BRCC3: variants seen among roughly 807,000 people sequenced by gnomAD.
BRCC3 encodes the protein BRCA1/BRCA2-containing complex subunit 3.
Under a neutral mutation model 28.0 loss-of-function variants are expected in BRCC3, and 15 were observed. The observed-to-expected ratio is 0.54, with a 90% CI of 0.36 to 0.82. The LOEUF (loss-of-function observed/expected upper bound fraction) is 0.82. Ranked by LOEUF, BRCC3 falls within the 40% of genes least tolerant of loss-of-function variation. The pLI is 0.01. For synonymous variants in BRCC3, 66 were observed against 80.3 expected (o/e 0.82, Z 0.95); for missense variants, 109 against 225.9 (o/e 0.48, Z 3.32).
chrX:155,086,015 C>T (rs2074124000), intron 5 of BRCC3, among the ~76,000 whole-genome samples: 1 of 111,503 alleles, frequency 9.0e-6, no homozygotes, highest in African/African-American at 3.3e-5. Flanking sequence ...TGGTAGCGGC[C>T]AGCCTGGGTC....
chrX:155,077,785 T>C (rs1557293795), intron 4 of BRCC3, among the ~76,000 whole-genome samples: 1 of 112,178 alleles, frequency 8.9e-6, no homozygotes, highest in Non-Finnish European at 1.9e-5. Flanking sequence ...TGTTTCAGTA[T>C]GATTCCGAGT....
intron 5 of BRCC3, among the ~76,000 whole-genome samples, chrX:155,081,949 GA>G (rs1557294233): frequency 1.8e-5 from 2 of 111,578 alleles, no homozygotes; most frequent in Non-Finnish European, 3.8e-5. Context: ...TGATAAAGAA[GA>G]AATGAGATGT....
chrX:155,087,458 AAG>A (rs1478822605), intron 5 of BRCC3, among the ~76,000 whole-genome samples: 1 of 111,888 alleles, frequency 8.9e-6, no homozygotes, highest in East Asian at 2.8e-4. Context: ...GCATTGTTTT[AAG>A]ACAACCAAGT....
rs907722804 is a variant in BRCC3 at position 155,122,838 on chromosome X, G to A, written c.*1634G>A. ...CAGATTAATGGTTGCCAGGGATAGG[G>A]ACTGGAGGGGGTGTGGGGTATGTAT... On this transcript the variant is annotated 3_prime_UTR_variant, in exon 11 of 11. Coordinates refer to ENST00000330045, the MANE Select transcript of BRCC3 (RefSeq NM_001018055.3). 8.9e-6 allele frequency: 1 copy of A among 111,807 alleles called. No individual in the cohort carries two copies. Among genetic ancestry groups the A allele is most frequent in the African/African-American group, 3.3e-5 (1 of 30,720 alleles). The allele number at this position is 111,807 out of a possible 1,213,427, so 9.2% of individuals were successfully genotyped here.
intron 3 of BRCC3, among the ~76,000 whole-genome samples, chrX:155,075,450 G>T (rs1194664024): frequency 9.0e-6 from 1 of 111,268 alleles, no homozygotes; most frequent in Non-Finnish European, 1.9e-5. Context: ...AATCCCACTT[G>T]CCTGCTAAAA....
At chrX:155,079,007 G>A (rs782312778) in intron 5 of BRCC3, 69 of 194,864 alleles carry the variant, frequency 3.5e-4, no homozygotes, top group Admixed American at 1.2e-3. Flanking sequence ...GGTAAAATTT[G>A]CAAAATTGAT....
intron 3 of BRCC3, among the ~76,000 whole-genome samples, chrX:155,075,757 T>G (rs2074035293): frequency 8.9e-6 from 1 of 112,354 alleles, no homozygotes; most frequent in Non-Finnish European, 1.9e-5. Context: ...CTGAAATAAT[T>G]TTTTTTCCTT....
chrX:155,108,021 A>AT (rs1343767555), intron 7 of BRCC3, among the ~76,000 whole-genome samples: 1 of 111,833 alleles, frequency 8.9e-6, no homozygotes, highest in African/African-American at 3.2e-5. Flanking sequence ...AGCTCCATGA[A>AT]TTTTTACAAG....
intron 7 of BRCC3, among the ~76,000 whole-genome samples, chrX:155,107,490 C>T (rs1414167377): frequency 9.1e-6 from 1 of 110,152 alleles, no homozygotes; most frequent in Non-Finnish European, 1.9e-5. Flanking sequence ...CATGTTCTCT[C>T]TCTGTCATAT....
intron 7 of BRCC3, among the ~76,000 whole-genome samples, chrX:155,103,264 G>T (rs782425164): frequency 8.9e-6 from 1 of 112,146 alleles, no homozygotes; most frequent in Non-Finnish European, 1.9e-5. Flanking sequence ...TAACCATATG[G>T]TTAGTCATTT....
intron 7 of BRCC3, among the ~76,000 whole-genome samples, chrX:155,098,407 A>G (rs2074224720): frequency 8.9e-6 from 1 of 112,500 alleles, no homozygotes; most frequent in African/African-American, 3.2e-5. Flanking sequence ...CTAGTATGTT[A>G]ATTTTTAACA....
chrX:155,101,498 G>A (rs1400702977), intron 7 of BRCC3, among the ~76,000 whole-genome samples: 1 of 111,843 alleles, frequency 8.9e-6, no homozygotes, highest in African/African-American at 3.3e-5. Flanking sequence ...TTACTAGTTG[G>A]TATTCTTCTC....
chrX:155,096,911 A>G (rs896537111), intron 7 of BRCC3, among the ~76,000 whole-genome samples: 5 of 112,498 alleles, frequency 4.4e-5, no homozygotes, highest in Admixed American at 1.9e-4. Context: ...TGGGAAAAGG[A>G]TAGTCTCTTC....
intron 7 of BRCC3, among the ~76,000 whole-genome samples, chrX:155,113,527 C>G (rs782435298): frequency 1.8e-5 from 2 of 110,891 alleles, no homozygotes; most frequent in Non-Finnish European, 3.8e-5. Context: ...TATAAGACCC[C>G]GAACTACAAA....
At chrX:155,072,284 A>T in intron 1 of BRCC3, 43 bp from the exon 2 acceptor site, 1 of 1,149,476 alleles carries the variant, frequency 8.7e-7, no homozygotes, top group Non-Finnish European at 1.2e-6. Flanking sequence ...TGTCAAACAA[A>T]CGTAATGTGA....
At chrX:155,072,220 C>T in intron 1 of BRCC3, 107 bp from the exon 2 acceptor site, 1 of 636,053 alleles carries the variant, frequency 1.6e-6, no homozygotes, top group Non-Finnish European at 2.5e-6. Flanking sequence ...TCCAGTCTTT[C>T]ATACCATGTG....
At position 155,071,532 on chromosome X, in the gene BRCC3, C is replaced by CGGTGCAGGT. The variant is rs781951899; in HGVS notation, c.14_22dup (p.Val5_Gln7dup). 6 of 1,201,717 alleles carry CGGTGCAGGT rather than the reference C, an allele frequency of 5.0e-6. No homozygotes were observed. The Admixed American group carries it at 6.7e-5, about 13-fold the overall frequency. ...CGTGAGAAGGGTCGGGCCAAGATGG[C>CGGTGCAGGT]GGTGCAGGTGGTGCAGGCGGTGCAG... On this transcript the variant is annotated inframe_insertion, in exon 1 of 11. Coordinates refer to ENST00000330045, the MANE Select transcript of BRCC3 (RefSeq NM_001018055.3).
chrX:155,080,049 A>G (rs1474022087), intron 5 of BRCC3, among the ~76,000 whole-genome samples: 2 of 111,486 alleles, frequency 1.8e-5, no homozygotes, highest in Non-Finnish European at 3.8e-5. Context: ...TTTTATAACT[A>G]TTAATATATT....
intron 3 of BRCC3, among the ~76,000 whole-genome samples, chrX:155,076,256 G>A (rs2074041939): frequency 9.0e-6 from 1 of 111,273 alleles, no homozygotes; most frequent in East Asian, 2.8e-4. Flanking sequence ...GGGCATGGTG[G>A]CGTGTGCCTG....
Sources: allele counts gnomAD v4.1 joint callset (sites outside exome capture counted in the v4.1 genomes callset), GRCh38; gene constraint gnomAD v4.1.1; transcripts MANE v1.5; gene names NCBI Gene and HGNC (gene_info 2026-07-23, HGNC 2026-07-21).